TMEM140: variants seen among roughly 807,000 people sequenced by gnomAD.
TMEM140 encodes the protein transmembrane protein 140.
For missense variants in TMEM140, 236 were observed against 228.5 expected (o/e 1.03, Z -0.21); for synonymous variants, 107 against 106.8 (o/e 1.00, Z -0.01).
chr7:135,162,534 A>AG (rs1829970501), intron 1 of TMEM140, among the ~76,000 whole-genome samples: 1 of 152,242 alleles, frequency 6.6e-6, no homozygotes, highest in Non-Finnish European at 1.5e-5. Context: ...TCATGGTGAA[A>AG]GGCAAAGGAA....
At chr7:135,160,780 A>T (rs1171474216) in intron 1 of TMEM140, among the ~76,000 whole-genome samples, 1 of 152,160 alleles carries the variant, frequency 6.6e-6, no homozygotes, top group Non-Finnish European at 1.5e-5. Context: ...GTATCAAAAT[A>T]ACAAAACTGA....
rs1830061894 is a variant in TMEM140 at position 135,165,174 on chromosome 7, C to A, written c.*175C>A. 1 of 648,520 alleles carries A rather than the reference C, an allele frequency of 1.5e-6. No homozygotes were observed. 40.2% of individuals were successfully genotyped at this position (648,520 alleles called of 1,614,324 possible). On this transcript the variant is annotated 3_prime_UTR_variant, in exon 2 of 2. Transcript: ENST00000275767. ...AGGGGCAGCAAGGGCAGCCAGGGCA[C>A]CTGTGACTTCTTAGTACAAGATTGT... is the stretch of plus-strand genomic sequence containing the variant.
rs117221451 is a variant in TMEM140, at chr7:135,152,187, T to C, written c.-25+3917T>C. Reference sequence around the variant, plus strand: ...AAAATCTAGGCAGAAGGATGTTAAGTAACTAAGGTCACACAGCTGGTGAAT... The same window carrying C: ...AAAATCTAGGCAGAAGGATGTTAAGCAACTAAGGTCACACAGCTGGTGAAT... On this transcript the variant is annotated intron_variant, in intron 1 of 1. Transcript: ENST00000275767. Among the ~76,000 whole-genome samples, 734 of 152,354 alleles carry C rather than the reference T, an allele frequency of 4.8e-3. 7 individuals are homozygous for C. The highest frequency in any genetic ancestry group is 6.6e-3 in the Non-Finnish European group (449 of 68,040).
At chr7:135,150,544 G>A (rs559590730) in intron 1 of TMEM140, among the ~76,000 whole-genome samples, 31 of 152,254 alleles carry the variant, frequency 2.0e-4, no homozygotes, top group African/African-American at 6.3e-4. Context: ...CTGACCCCAC[G>A]AGTCGAAGTG....
chr7:135,151,862 T>G lies in TMEM140; in HGVS notation c.-25+3592T>G, dbSNP rs1829673980. ...ACCCATGCTCCTTACCACCACACTG[T>G]GCTACCTCTCAACAGGCAGCTGCAT... On this transcript the variant is annotated intron_variant, in intron 1 of 1. Transcript: ENST00000275767. This position sits in a 1 kb window ranked among gnomAD's most constrained non-coding sequence, Gnocchi z 4.3. Among the ~76,000 whole-genome samples, 1 of 152,218 alleles carries G rather than the reference T, an allele frequency of 6.6e-6. No homozygotes were observed. The highest frequency in any genetic ancestry group is 2.4e-5 in the African/African-American group (1 of 41,454).
chr7:135,164,351 A>G (rs1830025661), intron 1 of TMEM140, 67 bp from the exon 2 acceptor site: 2 of 1,297,154 alleles, frequency 1.5e-6, no homozygotes, highest in South Asian at 1.4e-5. Flanking sequence ...AAGGGAGAAC[A>G]TGAGCTTGTC....
chr7:135,163,899 G>A (rs1440861974), intron 1 of TMEM140, among the ~76,000 whole-genome samples: 7 of 152,202 alleles, frequency 4.6e-5, no homozygotes, highest in Admixed American at 1.3e-4. Flanking sequence ...TGCCCAGCCC[G>A]AAGCACATAA....
intron 1 of TMEM140, among the ~76,000 whole-genome samples, chr7:135,155,687 C>CA (rs1829775024): frequency 6.6e-6 from 1 of 151,960 alleles, no homozygotes; most frequent in South Asian, 2.1e-4. Flanking sequence ...CTTGTCTCTA[C>CA]AAAAAAATTA....
rs559118247 is a variant in TMEM140, at chr7:135,149,188, CT to C, written c.-25+927del. On this transcript the variant is annotated intron_variant, in intron 1 of 1. Coordinates refer to ENST00000275767, the MANE Select transcript of TMEM140 (RefSeq NM_018295.5). The stretch of plus-strand genomic sequence containing the variant: ...TTTTGAATGCCTGTTTTATAAATTT[CT>C]TTTTTTTTCATAAATGTAGCACATA... Among the ~76,000 whole-genome samples, 723 of 151,246 alleles carry C rather than the reference CT, an allele frequency of 4.8e-3. 3 individuals carry two copies. The highest frequency in any genetic ancestry group is 0.016 in the African/African-American group (677 of 41,270).
chr7:135,164,531 C>T lies in TMEM140; in HGVS notation c.90C>T (p.Tyr30=), dbSNP rs767621181. The T allele has an allele frequency of 6.2e-6, 10 of 1,614,042 alleles. No individual in the cohort carries two copies. Among genetic ancestry groups the T allele is most frequent in the Admixed American group, 5.0e-5 (3 of 60,014 alleles). ...LVIVVICLMF[Y]ALLWEAGNLT... The stretch of plus-strand genomic sequence containing the variant: ...TTGTGGTCATCTGCCTGATGTTTTA[C>T]GCTCTTCTCTGGGAGGCTGGCAACC... Residue 30 remains tyrosine (Y), a synonymous_variant, in exon 2 of 2, where the codon TAC becomes TAT. Transcript: ENST00000275767.
chr7:135,150,630 C>T (rs1362176889), intron 1 of TMEM140, among the ~76,000 whole-genome samples: 1 of 152,200 alleles, frequency 6.6e-6, no homozygotes, highest in Non-Finnish European at 1.5e-5. Context: ...CAAAGGCAGT[C>T]ACCAGTTTCT....
intron 1 of TMEM140, among the ~76,000 whole-genome samples, chr7:135,162,514 G>C (rs1020120298): frequency 6.6e-6 from 1 of 152,214 alleles, no homozygotes; most frequent in African/African-American, 2.4e-5. Flanking sequence ...TGGTTAGGGA[G>C]GCCTCACAAT....
rs1425898198 is a variant in TMEM140, at chr7:135,165,809, T to C, written c.*810T>C. On this transcript the variant is annotated 3_prime_UTR_variant, in exon 2 of 2. Coordinates refer to ENST00000275767, the MANE Select transcript of TMEM140 (RefSeq NM_018295.5). The stretch of plus-strand genomic sequence containing the variant: ...GCATTGGGGAATTGTGTGTATTTTC[T>C]AGCACTTGTGTATTGGAAAACCTGT... 1.2e-5 allele frequency: 2 copies of C among 167,158 alleles called. No homozygotes were observed. Among genetic ancestry groups the C allele is most frequent in the Non-Finnish European group, 2.9e-5 (2 of 68,142 alleles). The allele number at this position is 167,158 out of a possible 1,614,324, so 10.4% of individuals were successfully genotyped here.
intron 1 of TMEM140, among the ~76,000 whole-genome samples, chr7:135,155,393 T>C (rs1829765175): frequency 6.6e-6 from 1 of 152,262 alleles, no homozygotes; most frequent in Non-Finnish European, 1.5e-5. Context: ...GGTTGTTTTA[T>C]AGACTCTTTG....
chr7:135,154,832 G>A (rs1232514357), intron 1 of TMEM140, among the ~76,000 whole-genome samples: 1 of 152,158 alleles, frequency 6.6e-6, no homozygotes, highest in Non-Finnish European at 1.5e-5. Flanking sequence ...TGTAGTTGTT[G>A]GGTAGAATGT....
rs762677084 is a variant in TMEM140 at position 135,164,768 on chromosome 7, TGA to T, written c.333_334del (p.Arg111SerfsTer65). 1.9e-5 allele frequency: 30 copies of T among 1,614,054 alleles called. 1 individual carries two copies. In the South Asian group the frequency reaches 2.7e-4, roughly 15 times the overall value. ...PLLLAQCNSD[E>X]RAWRLAVGFL... ...TCCTCCTAGCCCAGTGCAACAGTGA[TGA>T]GAGAGCGTGGCGGCTGGCAGTGGGC... On this transcript the variant is annotated frameshift_variant, in exon 2 of 2. Coordinates refer to ENST00000275767, the MANE Select transcript of TMEM140 (RefSeq NM_018295.5). LOFTEE classifies it low-confidence loss of function (END_TRUNC).
At position 135,164,659 on chromosome 7, in the gene TMEM140, T is replaced by C; in HGVS notation, c.218T>C (p.Leu73Pro). 1 of 1,613,418 alleles carries C rather than the reference T, an allele frequency of 6.2e-7. No homozygotes were observed. The highest frequency in any genetic ancestry group is 1.1e-5 in the South Asian group (1 of 91,084). ...CACCAGTTCCCTGAGCTGGAAGCCCTGGGGGTGCCTCGGGTTGGCCTGGGC... is the reference window on the plus strand; with the variant it reads ...CACCAGTTCCCTGAGCTGGAAGCCCCGGGGGTGCCTCGGGTTGGCCTGGGC... ...QCHQFPELEALGVPRVGLGLA... is the reference protein window; with the variant it reads ...QCHQFPELEAPGVPRVGLGLA... Residue 73 changes from leucine (L) to proline (P), a missense_variant, in exon 2 of 2, where the codon CTG (leucine) becomes CCG (proline). By Grantham distance (98) the Leu-to-Pro change is moderately conservative. Transcript: ENST00000275767.
At position 135,151,156 on chromosome 7, in the gene TMEM140, A is replaced by T. The variant is rs148086299; in HGVS notation, c.-25+2886A>T. 2.0e-5 allele frequency among the ~76,000 whole-genome samples: 3 copies of T among 152,332 alleles called. No individual in the cohort carries two copies. The highest frequency in any genetic ancestry group is 4.4e-5 in the Non-Finnish European group (3 of 68,022). On this transcript the variant is annotated intron_variant, in intron 1 of 1. Transcript: ENST00000275767. This position sits in a 1 kb window ranked among gnomAD's most constrained non-coding sequence, Gnocchi z 4.3. Reference sequence around the variant, plus strand: ...TTTATTTACATGGAATAATTAAGTAAATCAAAACATCACAGCATTCATTAA... The same window carrying T: ...TTTATTTACATGGAATAATTAAGTATATCAAAACATCACAGCATTCATTAA...
In TMEM140 at chr7:135,165,982, T is replaced by C. The variant is rs1830105496; in HGVS notation, c.*983T>C. 6.3e-6 allele frequency: 1 copy of C among 158,688 alleles called. No homozygotes were observed. Among genetic ancestry groups the C allele is most frequent in the South Asian group, 2.1e-4 (1 of 4,820 alleles). 9.8% of individuals were successfully genotyped at this position (158,688 alleles called of 1,614,324 possible). A position where few individuals can be genotyped will look rare whatever the true frequency, so the allele number is the denominator to read the frequency against. The stretch of plus-strand genomic sequence containing the variant: ...ATAGCTAGCTGCCCGGGGACCAAGG[T>C]ACAGGTGAAAGCAAGGTAGCAGCTT... On this transcript the variant is annotated 3_prime_UTR_variant, in exon 2 of 2. Transcript: ENST00000275767.
Sources: allele counts gnomAD v4.1 joint callset (sites outside exome capture counted in the v4.1 genomes callset), GRCh38; gene constraint gnomAD v4.1.1; non-coding constraint Gnocchi (gnomAD v3.1); transcripts MANE v1.5; gene names NCBI Gene and HGNC (gene_info 2026-07-23, HGNC 2026-07-21).